WDFY3: variants seen among roughly 807,000 people sequenced by gnomAD.
WDFY3 encodes the protein WD repeat and FYVE domain containing 3.
WDFY3 carries 66 observed loss-of-function variants against 409.6 expected under a neutral mutation model. The ratio of observed to expected loss-of-function variants is 0.16; its 90% CI spans 0.13 to 0.20. The LOEUF is 0.20. WDFY3 is among the 10% of genes least tolerant of loss of function. WDFY3 has a pLI of 1.00. For synonymous variants in WDFY3, 1,521 were observed against 1,537.1 expected (o/e 0.99, Z 0.25); for missense variants, 3,031 against 4,298.1 (o/e 0.71, Z 8.24).
At chr4:84,703,028 C>T (rs146981784) in intron 55 of WDFY3, among the ~76,000 whole-genome samples, 5,238 of 151,316 alleles carry the variant, frequency 0.035, 93 homozygotes, top group South Asian at 0.051. Flanking sequence ...CCCCAGGGGG[C>T]GGAGCCTGCA....
intron 3 of WDFY3, among the ~76,000 whole-genome samples, chr4:84,864,497 A>T (rs558928478): frequency 1.3e-5 from 2 of 152,206 alleles, no homozygotes; most frequent in Non-Finnish European, 2.9e-5. Context: ...CCATGAACAA[A>T]AGAAATCTTT....
At position 84,751,741 on chromosome 4, in the gene WDFY3, C is replaced by T. The variant is rs375868219; in HGVS notation, c.5740-25G>A. 4.1e-4 allele frequency: 659 copies of T among 1,609,912 alleles called. 1 individual carries two copies. Among genetic ancestry groups the T allele is most frequent in the Non-Finnish European group, 5.1e-4 (600 of 1,176,364 alleles). Reference sequence around the variant, plus strand: ...CCTAGTAAAATCAAGTGGAAAGATACGGTAATCACATTAGACTCTGACATT... The same window carrying T: ...CCTAGTAAAATCAAGTGGAAAGATATGGTAATCACATTAGACTCTGACATT... On this transcript the variant is annotated intron_variant, in intron 35 of 67. Transcript: ENST00000295888.
chr4:84,798,894 G>A (rs200095937), intron 17 of WDFY3, among the ~76,000 whole-genome samples: 1 of 146,542 alleles, frequency 6.8e-6, no homozygotes, highest in Non-Finnish European at 1.5e-5. Flanking sequence ...GTCCATTTCT[G>A]TAGTTGAAAA....
At chr4:84,696,260 G>T in intron 57 of WDFY3, 78 bp from the exon 58 acceptor site, 1 of 1,319,506 alleles carries the variant, frequency 7.6e-7, no homozygotes, top group African/African-American at 1.5e-5. Context: ...TTGGTAAGTG[G>T]TTAATAGGAA....
chr4:84,807,634 A>G (rs1751733353), intron 15 of WDFY3, among the ~76,000 whole-genome samples: 1 of 152,230 alleles, frequency 6.6e-6, no homozygotes, highest in South Asian at 2.1e-4. Context: ...ATTTGGGGCC[A>G]ACTGCAGACC....
At chr4:84,717,541 G>A (rs568487543) in intron 48 of WDFY3, among the ~76,000 whole-genome samples, 21 of 152,284 alleles carry the variant, frequency 1.4e-4, no homozygotes, top group Non-Finnish European at 2.8e-4. Flanking sequence ...AGGGTGCTAG[G>A]AAAATGTTAA....
chr4:84,866,890 T>G (rs1187257220), intron 3 of WDFY3, among the ~76,000 whole-genome samples: 1 of 152,238 alleles, frequency 6.6e-6, no homozygotes, highest in East Asian at 1.9e-4. Context: ...TGTCTACATT[T>G]AAATGTTTAC....
chr4:84,956,967 A>G (rs4487328), intron 1 of WDFY3, among the ~76,000 whole-genome samples: 2 of 151,536 alleles, frequency 1.3e-5, no homozygotes, highest in East Asian at 1.9e-4. Flanking sequence ...GAAGCAGGTG[A>G]CAATGGTTTT....
intron 51 of WDFY3, among the ~76,000 whole-genome samples, chr4:84,712,076 C>T (rs982060358): frequency 6.6e-6 from 1 of 151,936 alleles, no homozygotes; most frequent in Non-Finnish European, 1.5e-5. Context: ...GCAATCCCAG[C>T]GCTTTGAGGG....
rs114651700 is a variant in WDFY3, at chr4:84,801,108, G to A, written c.2822+542C>T. Among the ~76,000 whole-genome samples the A allele has an allele frequency of 7.0e-3, 1,061 of 150,732 alleles. 12 individuals are homozygous for A. The highest frequency in any genetic ancestry group is 0.025 in the African/African-American group (1,016 of 40,976). On this transcript the variant is annotated intron_variant, in intron 17 of 67. Coordinates refer to ENST00000295888, the MANE Select transcript of WDFY3 (RefSeq NM_014991.6). ...GCACTAGAGAAATCTTTGTGACATC[G>A]TAATTGTGTGGTGATTACATGAATC...
intron 56 of WDFY3, among the ~76,000 whole-genome samples, chr4:84,698,817 A>G (rs1162588437): frequency 6.6e-6 from 1 of 151,916 alleles, no homozygotes; most frequent in Non-Finnish European, 1.5e-5. Flanking sequence ...CCTTCTGAGG[A>G]GCTGGGATTA....
At chr4:84,772,962 T>C in intron 29 of WDFY3, 33 bp from the exon 30 acceptor site, 1 of 1,511,980 alleles carries the variant, frequency 6.6e-7, no homozygotes, top group South Asian at 1.3e-5. Flanking sequence ...TTATGGATTT[T>C]CTTTTTCCTC....
At chr4:84,791,334 A>G (rs1198483792) in intron 21 of WDFY3, among the ~76,000 whole-genome samples, 1 of 152,176 alleles carries the variant, frequency 6.6e-6, no homozygotes, top group Non-Finnish European at 1.5e-5. Flanking sequence ...CACTTATATG[A>G]GGTATTTAAA....
chr4:84,888,994 T>C (rs1764593198), intron 3 of WDFY3, among the ~76,000 whole-genome samples: 1 of 152,222 alleles, frequency 6.6e-6, no homozygotes, highest in Non-Finnish European at 1.5e-5. Context: ...GCTTTTATTT[T>C]TTCCCCAAAG....
chr4:84,837,780 A>AG (rs1756797120), intron 6 of WDFY3, among the ~76,000 whole-genome samples: 2 of 152,218 alleles, frequency 1.3e-5, no homozygotes, highest in South Asian at 4.1e-4. Flanking sequence ...ACTGCACTAG[A>AG]GATCAACAGA....
chr4:84,804,757 A>G (rs980080265), intron 15 of WDFY3, among the ~76,000 whole-genome samples: 1 of 152,210 alleles, frequency 6.6e-6, no homozygotes, highest in Admixed American at 6.5e-5. Context: ...ACTGAATTCC[A>G]AAATTTCATT....
intron 17 of WDFY3, among the ~76,000 whole-genome samples, chr4:84,798,391 C>G (rs1381444772): frequency 6.6e-6 from 1 of 152,000 alleles, no homozygotes; most frequent in Non-Finnish European, 1.5e-5. Flanking sequence ...TAAATTCCAA[C>G]AGACTAATTA....
intron 4 of WDFY3, among the ~76,000 whole-genome samples, chr4:84,854,941 C>G (rs756158527): frequency 2.6e-5 from 4 of 152,092 alleles, no homozygotes; most frequent in South Asian, 4.1e-4. Flanking sequence ...ATTTCTGGTT[C>G]TGCAGAGGAA....
chr4:84,724,430 G>A lies in WDFY3; in HGVS notation c.7437C>T (p.Val2479=), dbSNP rs773779607. 6.2e-7 allele frequency: 1 copy of A among 1,603,920 alleles called. No homozygotes were observed. Among genetic ancestry groups the A allele is most frequent in the Non-Finnish European group, 8.5e-7 (1 of 1,175,838 alleles). Residue 2479 remains valine (V), a synonymous_variant, in exon 46 of 68, where the codon GTC becomes GTT. Transcript: ENST00000295888. ...AAATCAAAAAGGCAGGCTGACCTTT[G>A]ACTTTAGCAATAGTGTCTTCCCCAT... ...PEHGEDTIAK[V]KGLVKPPLKR...
Sources: gnomAD v4.1 joint callset for allele counts (sites outside exome capture counted in the v4.1 genomes callset) on GRCh38, gnomAD v4.1.1 for gene constraint, MANE v1.5 for transcripts, NCBI Gene and HGNC (gene_info 2026-07-23, HGNC 2026-07-21) for gene names.